Variants in SGTA observed in about 807,000 individuals in gnomAD.
The protein encoded by SGTA is small glutamine rich tetratricopeptide repeat co-chaperone alpha.
A neutral mutation model predicts 44.3 loss-of-function variants in SGTA; 22 were observed. That is an observed-to-expected ratio of 0.50 (90% CI 0.36 to 0.71). The LOEUF is 0.71. Among genes scored for constraint, SGTA ranks in the 30% least tolerant of loss-of-function variants. SGTA has a pLI of 0.00. For synonymous variants in SGTA, 174 were observed against 177.6 expected (o/e 0.98, Z 0.16); for missense variants, 341 against 435.9 (o/e 0.78, Z 1.94).
At chr19:2,780,481 C>T (rs574203832) in intron 1 of SGTA, among the ~76,000 whole-genome samples, 1 of 152,288 alleles carries the variant, frequency 6.6e-6, no homozygotes, top group East Asian at 1.9e-4. Context: ...GGAGGCCTCT[C>T]ACCAGCTGGG....
intron 1 of SGTA, among the ~76,000 whole-genome samples, chr19:2,777,316 C>A (rs1915465313): frequency 6.6e-6 from 1 of 150,938 alleles, no homozygotes; most frequent in Non-Finnish European, 1.5e-5. Context: ...CTTCGGGAGG[C>A]CAAAGCGGGG....
At position 2,767,070 on chromosome 19, in the gene SGTA, G is replaced by A. The variant is rs183753565; in HGVS notation, c.292+66C>T. On this transcript the variant is annotated intron_variant, in intron 4 of 11. Coordinates refer to ENST00000221566, the MANE Select transcript of SGTA (RefSeq NM_003021.4). This position sits in a 1 kb window ranked among gnomAD's most constrained non-coding sequence, Gnocchi z 7.3. ...GCCCCAGGGACCAGCTGGCCTCTGC[G>A]AGGGTCCCACAGCCCCGGAGTCCAG... 660 of 1,233,204 alleles carry A rather than the reference G, an allele frequency of 5.4e-4. 2 individuals carry two copies. The African/African-American group carries it at 8.6e-3, about 16-fold the overall frequency. 76.4% of individuals were successfully genotyped at this position (1,233,204 alleles called of 1,614,324 possible).
intron 1 of SGTA, among the ~76,000 whole-genome samples, chr19:2,772,774 G>A (rs535466571): frequency 3.4e-5 from 5 of 146,688 alleles, no homozygotes; most frequent in East Asian, 3.9e-4. Context: ...AATGGGTGAC[G>A]CGGCCACACG....
In SGTA at chr19:2,773,935, A is replaced by G. The variant is rs535859245; in HGVS notation, c.-23-4844T>C. On this transcript the variant is annotated intron_variant, in intron 1 of 11. Transcript: ENST00000221566. Reference sequence around the variant, plus strand: ...GAGATGGGTGACGCGGCCACACGGCAGGGACTCCGAGGGCAGAGATGGGTG... The same window carrying G: ...GAGATGGGTGACGCGGCCACACGGCGGGGACTCCGAGGGCAGAGATGGGTG... Among the ~76,000 whole-genome samples the G allele has an allele frequency of 2.1e-4, 22 of 104,970 alleles. 4 individuals are homozygous for G. Among genetic ancestry groups the G allele is most frequent in the South Asian group, 7.5e-4 (2 of 2,678 alleles). 68.9% of individuals were successfully genotyped at this position (104,970 alleles called of 152,430 possible).
Position 2,757,326 on chromosome 19 carries a change from C to T in SGTA, c.*6+11G>A. 2 of 1,599,770 alleles carry T rather than the reference C, an allele frequency of 1.3e-6. No individual in the cohort carries two copies. Among genetic ancestry groups the T allele is most frequent in the South Asian group, 2.2e-5 (2 of 90,994 alleles). ...CTGGCCACCCCCCAGCCCCCGGCCC[C>T]ATGCACTCACGCAGCGTCACTCCTG... On this transcript the variant is annotated intron_variant, in intron 11 of 11. Transcript: ENST00000221566.
intron 8 of SGTA, among the ~76,000 whole-genome samples, chr19:2,760,473 A>G (rs1042983828): frequency 3.5e-5 from 5 of 144,406 alleles, no homozygotes; most frequent in East Asian, 2.0e-4. Flanking sequence ...AGCTGAGATC[A>G]CACCACTGCA....
intron 1 of SGTA, among the ~76,000 whole-genome samples, chr19:2,779,390 A>C (rs1400277816): frequency 6.6e-6 from 1 of 152,138 alleles, no homozygotes; most frequent in Non-Finnish European, 1.5e-5. Flanking sequence ...AACGGTTCTC[A>C]AATCTGCTTC....
At chr19:2,758,896 T>C (rs1446277166) in intron 9 of SGTA, among the ~76,000 whole-genome samples, 4 of 152,102 alleles carry the variant, frequency 2.6e-5, no homozygotes, top group Non-Finnish European at 4.4e-5. Flanking sequence ...GTTCACGCAG[T>C]GTGTGATCCC....
chr19:2,755,382 C>T lies in SGTA; in HGVS notation c.*558G>A. ...ACCGCAGCCGTCTCTTAGGTGTCTG[C>T]CACTAAAGAGTTCCTCATGCAAACA... On this transcript the variant is annotated 3_prime_UTR_variant, in exon 12 of 12. Transcript: ENST00000221566. This position sits in a 1 kb window ranked among gnomAD's most constrained non-coding sequence, Gnocchi z 5.2. 1.0e-6 allele frequency: 1 copy of T among 987,368 alleles called. No individual in the cohort carries two copies. The highest frequency in any genetic ancestry group is 1.2e-6 in the Non-Finnish European group (1 of 829,854). The allele number at this position is 987,368 out of a possible 1,614,324, so 61.2% of individuals were successfully genotyped here.
chr19:2,756,453 CAAAA>C (rs778897952), intron 11 of SGTA, among the ~76,000 whole-genome samples: 2 of 73,564 alleles, frequency 2.7e-5, no homozygotes. Flanking sequence ...AGGACGGTCT[CAAAA>C]AAAAAAAAAA....
Position 2,761,462 on chromosome 19 carries a change from T to C in SGTA, c.697A>G (p.Met233Val), listed in dbSNP as rs1199151923. 1.3e-6 allele frequency: 2 copies of C among 1,551,556 alleles called. No individual in the cohort carries two copies. The highest frequency in any genetic ancestry group is 3.9e-5 in the Admixed American group (2 of 51,002). ...AGGGAGGAGGGGCGGGCCGTTACCA[T>C]GCTCATGAAGCCAGGGTTGTTCAGC... ...GLLNNPGFMS[M>V]ASNLMNNPQI... is the part of the protein sequence containing the mutation. The change falls in exon 8 of 12, where the codon ATG becomes GTG. Residue 233 changes from methionine to valine, a missense_variant and splice_region_variant. Transcript: ENST00000221566. This position sits in a 1 kb window ranked among gnomAD's most constrained non-coding sequence, Gnocchi z 5.7.
intron 11 of SGTA, 139 bp downstream of exon 11, chr19:2,757,198 C>T (rs1914843339): frequency 6.4e-6 from 7 of 1,087,192 alleles, no homozygotes; most frequent in African/African-American, 1.6e-5. Flanking sequence ...GAGCTGGATG[C>T]ACCCAGGACT....
At position 2,765,299 on chromosome 19, in the gene SGTA, G is replaced by A. The variant is rs771846204; in HGVS notation, c.293-14C>T. 1.3e-6 allele frequency: 2 copies of A among 1,591,812 alleles called. No homozygotes were observed. Among genetic ancestry groups the A allele is most frequent in the African/African-American group, 1.3e-5 (1 of 74,686 alleles). On this transcript the variant is annotated splice_polypyrimidine_tract_variant and intron_variant, in intron 4 of 11. Coordinates refer to ENST00000221566, the MANE Select transcript of SGTA (RefSeq NM_003021.4). This position sits in a 1 kb window ranked among gnomAD's most constrained non-coding sequence, Gnocchi z 5.5. ...TCTGCTCGTTTCCTACAGGGAGAGAGGAAAACACCGGCCCGGTGTCCACAC... is the reference window on the plus strand; with the variant it reads ...TCTGCTCGTTTCCTACAGGGAGAGAAGAAAACACCGGCCCGGTGTCCACAC...
chr19:2,767,571 G>T lies in SGTA; in HGVS notation c.207+9C>A, dbSNP rs370698625. ...TGGGGGCAGTGGCTGGGGAAGCATC[G>T]AGGCTCACCTTGCCCGTGGCAGCCG... On this transcript the variant is annotated intron_variant, in intron 3 of 11. Coordinates refer to ENST00000221566, the MANE Select transcript of SGTA (RefSeq NM_003021.4). The surrounding 1 kb of genome is among the most constrained non-coding windows in gnomAD (Gnocchi z 7.3). 3.7e-6 allele frequency: 6 copies of T among 1,608,626 alleles called. No individual in the cohort carries two copies. Among genetic ancestry groups the T allele is most frequent in the Non-Finnish European group, 5.1e-6 (6 of 1,176,192 alleles).
chr19:2,755,348 C>T lies in SGTA; in HGVS notation c.*592G>A, dbSNP rs763527811. Reference sequence around the variant, plus strand: ...CAGGACGGCTCCTGAGCCGCGGAGGCGTGGGGTGACCGCAGCCGTCTCTTA... The same window carrying T: ...CAGGACGGCTCCTGAGCCGCGGAGGTGTGGGGTGACCGCAGCCGTCTCTTA... On this transcript the variant is annotated 3_prime_UTR_variant, in exon 12 of 12. Coordinates refer to ENST00000221566, the MANE Select transcript of SGTA (RefSeq NM_003021.4). The surrounding 1 kb of genome is among the most constrained non-coding windows in gnomAD (Gnocchi z 5.2). 7 of 964,750 alleles carry T rather than the reference C, an allele frequency of 7.3e-6. No individual in the cohort carries two copies. The South Asian group carries it at 1.9e-4, about 26-fold the overall frequency. The allele number at this position is 964,750 out of a possible 1,614,324, so 59.8% of individuals were successfully genotyped here. A position where few individuals can be genotyped will look rare whatever the true frequency, so the allele number is the denominator to read the frequency against.
intron 2 of SGTA, among the ~76,000 whole-genome samples, chr19:2,768,486 T>C (rs2144730718): frequency 6.6e-6 from 1 of 152,138 alleles, no homozygotes; most frequent in South Asian, 2.1e-4. Flanking sequence ...CTCCTTTCCC[T>C]CCGAGCCCCG....
intron 9 of SGTA, 144 bp downstream of exon 9, chr19:2,759,113 G>GT (rs1914911919): frequency 1.4e-6 from 1 of 692,286 alleles, no homozygotes; most frequent in Admixed American, 2.2e-5. Flanking sequence ...TGTGATAGTG[G>GT]TGACAGTTGC....
chr19:2,757,513 C>T (rs1450486098), intron 10 of SGTA, 56 bp from the exon 11 acceptor site: 8 of 1,584,752 alleles, frequency 5.0e-6, no homozygotes, highest in African/African-American at 1.3e-5. Context: ...CTGCTGCCTC[C>T]GTCCATCCCC....
At position 2,763,717 on chromosome 19, in the gene SGTA, C is replaced by T. The variant is rs1325303027; in HGVS notation, c.433G>A (p.Val145Met). The change falls in exon 6 of 12, where the codon GTG becomes ATG. Residue 145 changes from valine (V) to methionine (M), a missense_variant. Transcript: ENST00000221566. This position sits in a 1 kb window ranked among gnomAD's most constrained non-coding sequence, Gnocchi z 5.8. ...CAGATGGCCCGCTCACAGTCCTGCA[C>T]CGCGCCTGCGTAGTTGCCGAGTTTG... The part of the protein sequence containing the change: ...YSKLGNYAGA[V>M]QDCERAICID... The T allele has an allele frequency of 1.9e-6, 3 of 1,613,756 alleles. No homozygotes were observed. The highest frequency in any genetic ancestry group is 2.2e-5 in the East Asian group (1 of 44,896).
Sources: gnomAD v4.1 joint callset for allele counts (sites outside exome capture counted in the v4.1 genomes callset) on GRCh38, gnomAD v4.1.1 for gene constraint, Gnocchi (gnomAD v3.1) non-coding constraint, MANE v1.5 for transcripts, NCBI Gene and HGNC (gene_info 2026-07-23, HGNC 2026-07-21) for gene names.